Variants in RIMBP2 observed in about 807,000 individuals in gnomAD.
RIMBP2 encodes the protein RIMS-binding protein 2.
Under a neutral mutation model 118.6 loss-of-function variants are expected in RIMBP2, and 48 were observed. The ratio of observed to expected loss-of-function variants is 0.40; its 90% CI spans 0.32 to 0.51. RIMBP2 has a LOEUF of 0.51. RIMBP2 is among the 20% of genes least tolerant of loss of function. The pLI is 0.41. For synonymous variants in RIMBP2, 762 were observed against 742.9 expected, an observed-to-expected ratio of 1.03 and a Z score of -0.42; for missense variants, 1,551 against 1,768.3, an observed-to-expected ratio of 0.88 and a Z score of 2.20.
rs1303863192 is a variant in RIMBP2, at chr12:130,620,402, C to A, written c.-217+7920G>T. Among the ~76,000 whole-genome samples the A allele has an allele frequency of 2.0e-5, 3 of 152,232 alleles. No homozygotes were observed. Among genetic ancestry groups the A allele is most frequent in the Non-Finnish European group, 2.9e-5 (2 of 68,044 alleles). On this transcript the variant is annotated intron_variant, in intron 2 of 22. Coordinates refer to ENST00000690449, the MANE Select transcript of RIMBP2 (RefSeq NM_001393629.1). This position sits in a 1 kb window ranked among gnomAD's most constrained non-coding sequence, Gnocchi z 5.3. The stretch of plus-strand genomic sequence containing the variant: ...CTCGCCATTGGTCCTTCTAGCAAAT[C>A]CCCTTCCCCTTTAGGTGGCCAGCAC...
chr12:130,471,197 G>C (rs1038766459), intron 5 of RIMBP2, among the ~76,000 whole-genome samples: 1 of 152,238 alleles, frequency 6.6e-6, no homozygotes, highest in Non-Finnish European at 1.5e-5. Flanking sequence ...CCTGCAGCCT[G>C]TGGCAGGGCC....
At chr12:130,714,280 A>G (rs554347737) in intron 1 of RIMBP2, among the ~76,000 whole-genome samples, 1 of 152,308 alleles carries the variant, frequency 6.6e-6, no homozygotes, top group East Asian at 1.9e-4. Context: ...GCTACAGTGT[A>G]GGGCCCACCG....
intron 2 of RIMBP2, among the ~76,000 whole-genome samples, chr12:130,541,457 T>C (rs1318022346): frequency 6.6e-6 from 1 of 152,234 alleles, no homozygotes; most frequent in Non-Finnish European, 1.5e-5. Flanking sequence ...GTGGATGATA[T>C]TGAGTGAAGA....
chr12:130,540,630 G>T (rs2054520469), intron 2 of RIMBP2, among the ~76,000 whole-genome samples: 2 of 152,050 alleles, frequency 1.3e-5, no homozygotes, highest in Non-Finnish European at 1.5e-5. Flanking sequence ...ACTGCTTCCT[G>T]CTGACCAACT....
intron 1 of RIMBP2, among the ~76,000 whole-genome samples, chr12:130,693,747 G>A (rs2065443937): frequency 6.6e-6 from 1 of 152,244 alleles, no homozygotes; most frequent in Non-Finnish European, 1.5e-5. Context: ...ACCAGTGAGT[G>A]TAAGCAGAAG....
intron 2 of RIMBP2, among the ~76,000 whole-genome samples, chr12:130,551,226 CA>C (rs1174187102): frequency 6.6e-5 from 10 of 152,204 alleles, no homozygotes; most frequent in African/African-American, 2.4e-4. Context: ...ACCTGGAAAA[CA>C]GGATCTCTGC....
intron 4 of RIMBP2, among the ~76,000 whole-genome samples, 155 bp from the exon 5 acceptor site, chr12:130,479,171 G>A (rs1377815617): frequency 6.6e-6 from 1 of 152,182 alleles, no homozygotes; most frequent in Non-Finnish European, 1.5e-5. Context: ...CTGCCAACAG[G>A]GCTCCTCCAG....
At chr12:130,628,750 C>G (rs1231265499) in intron 1 of RIMBP2, among the ~76,000 whole-genome samples, 5 of 152,146 alleles carry the variant, frequency 3.3e-5, no homozygotes. Context: ...AGTAGACCAT[C>G]AAGTTCCTGA....
At chr12:130,662,836 G>T (rs1214227087) in intron 1 of RIMBP2, among the ~76,000 whole-genome samples, 1 of 151,944 alleles carries the variant, frequency 6.6e-6, no homozygotes, top group Non-Finnish European at 1.5e-5. Context: ...CACTCCTATG[G>T]TCCCAGCTAC....
intron 1 of RIMBP2, among the ~76,000 whole-genome samples, chr12:130,713,809 G>A (rs1950137694): frequency 6.6e-6 from 1 of 152,214 alleles, no homozygotes; most frequent in Non-Finnish European, 1.5e-5. Context: ...TGCGGGTCTA[G>A]ACCAACCTAT....
chr12:130,451,110 G>A, intron 8 of RIMBP2, 85 bp downstream of exon 8: 1 of 1,456,862 alleles, frequency 6.9e-7, no homozygotes, highest in Non-Finnish European at 9.4e-7. Context: ...AGATGGGGAA[G>A]AAAAAACAGG....
chr12:130,647,944 T>C (rs2063059199), intron 1 of RIMBP2, among the ~76,000 whole-genome samples: 1 of 131,448 alleles, frequency 7.6e-6, no homozygotes, highest in Admixed American at 7.5e-5. Flanking sequence ...GGTGTGGCTG[T>C]TTGGCCCGAC....
At position 130,523,889 on chromosome 12, in the gene RIMBP2, G is replaced by A. The variant is rs1295976860; in HGVS notation, c.-216-5972C>T. Reference sequence around the variant, plus strand: ...CTGATACAGGTCTGGTCTCAGAGGTGGGGAAGAGGGTCCACCCAGCACAAA... The same window carrying A: ...CTGATACAGGTCTGGTCTCAGAGGTAGGGAAGAGGGTCCACCCAGCACAAA... On this transcript the variant is annotated intron_variant, in intron 2 of 22. Coordinates refer to ENST00000690449, the MANE Select transcript of RIMBP2 (RefSeq NM_001393629.1). The surrounding 1 kb of genome is among the most constrained non-coding windows in gnomAD (Gnocchi z 4.4). Among the ~76,000 whole-genome samples, 3 of 152,158 alleles carry A rather than the reference G, an allele frequency of 2.0e-5. No individual in the cohort carries two copies. The highest frequency in any genetic ancestry group is 4.4e-5 in the Non-Finnish European group (3 of 68,032).
Position 130,399,778 on chromosome 12 carries a change from T to G in RIMBP2, c.3801A>C (p.Ser1267=). 1 of 1,614,186 alleles carries G rather than the reference T, an allele frequency of 6.2e-7. No homozygotes were observed. The highest frequency in any genetic ancestry group is 1.1e-5 in the South Asian group (1 of 91,082). Reference sequence around the variant, plus strand: ...CATCAGGCACTTCTTCCAAGAAGTTTGAGGGCACAAGGCCTTTCTGCCCAT... The same window carrying G: ...CATCAGGCACTTCTTCCAAGAAGTTGGAGGGCACAAGGCCTTTCTGCCCAT... The part of the protein sequence containing the change: ...ELNGQKGLVP[S]NFLEEVPDDV... The change falls in exon 22 of 23, where the codon TCA becomes TCC. Residue 1267 remains serine (S), a synonymous_variant. Transcript: ENST00000690449.
chr12:130,545,056 A>C (rs1026854302), intron 2 of RIMBP2, among the ~76,000 whole-genome samples: 1 of 152,226 alleles, frequency 6.6e-6, no homozygotes, highest in Non-Finnish European at 1.5e-5. Context: ...CAAAATACCA[A>C]AATCTCACAT....
chr12:130,482,206 AC>A (rs1389357048), intron 4 of RIMBP2, among the ~76,000 whole-genome samples: 1 of 152,148 alleles, frequency 6.6e-6, no homozygotes, highest in African/African-American at 2.4e-5. Context: ...GTCTCTGCAG[AC>A]CCTCATGAGG....
intron 15 of RIMBP2, chr12:130,425,516 T>TC (rs2076726888): frequency 6.6e-6 from 1 of 152,326 alleles, no homozygotes; most frequent in African/African-American, 2.4e-5. Context: ...TCCGCCTGTC[T>TC]CCTCTGCATC....
intron 1 of RIMBP2, among the ~76,000 whole-genome samples, chr12:130,677,891 G>A (rs1390251318): frequency 2.6e-5 from 4 of 152,134 alleles, no homozygotes; most frequent in Non-Finnish European, 4.4e-5. Flanking sequence ...TTTCTCCATC[G>A]CACCCAGATG....
intron 1 of RIMBP2, among the ~76,000 whole-genome samples, chr12:130,694,970 G>A (rs996710832): frequency 2.0e-5 from 3 of 152,158 alleles, no homozygotes; most frequent in Admixed American, 6.5e-5. Flanking sequence ...CCAGACTGAG[G>A]ATAAGCGAGA....
Sources: gnomAD v4.1 joint callset for allele counts (sites outside exome capture counted in the v4.1 genomes callset) on GRCh38, gnomAD v4.1.1 for gene constraint, Gnocchi (gnomAD v3.1) non-coding constraint, MANE v1.5 for transcripts, NCBI Gene and HGNC (gene_info 2026-07-23, HGNC 2026-07-21) for gene names.